MRPL1: variants seen among roughly 807,000 people sequenced by gnomAD.
MRPL1 encodes mitochondrial ribosomal protein L1.
In MRPL1, 28 loss-of-function variants were observed where a neutral mutation model predicts 38.0. The observed-to-expected ratio is 0.74, with a 90% CI of 0.55 to 1.01. MRPL1 has a LOEUF of 1.01. Among genes scored for constraint, MRPL1 ranks in the 50% least tolerant of loss-of-function variants. The probability of loss-of-function intolerance (pLI) is 0.00; values close to 1 mark genes in which losing one functional copy is unlikely to be tolerated. For missense variants in MRPL1, 358 were observed against 389.8 expected, an observed-to-expected ratio of 0.92 and a Z score of 0.69; for synonymous variants, 123 against 126.7, an observed-to-expected ratio of 0.97 and a Z score of 0.20.
intron 7 of MRPL1, among the ~76,000 whole-genome samples, chr4:77,912,732 C>A (rs1218106686): frequency 6.6e-6 from 1 of 152,006 alleles, no homozygotes; most frequent in Non-Finnish European, 1.5e-5. Context: ...TGCAAAGTAT[C>A]TAGAATAGCT....
intron 6 of MRPL1, among the ~76,000 whole-genome samples, chr4:77,908,753 T>C (rs1235343168): frequency 2.0e-5 from 3 of 152,226 alleles, no homozygotes; most frequent in African/African-American, 7.2e-5. Flanking sequence ...GGTTCTCTGC[T>C]TAAGGGTCTC....
At chr4:77,886,789 CTTTTTT>C (rs71214375) in intron 4 of MRPL1, among the ~76,000 whole-genome samples, 14 of 90,516 alleles carry the variant, frequency 1.5e-4, no homozygotes, top group Non-Finnish European at 2.0e-4. Context: ...TTTGCATTTT[CTTTTTT>C]TTTTTTTTTT....
chr4:77,872,465 C>T (rs891048514), intron 2 of MRPL1, among the ~76,000 whole-genome samples: 1 of 152,058 alleles, frequency 6.6e-6, no homozygotes, highest in African/African-American at 2.4e-5. Context: ...GGTATGGTGG[C>T]TTACATCTAT....
At chr4:77,909,443 T>TGGC in intron 7 of MRPL1, 71 bp downstream of exon 7, 1 of 946,524 alleles carries the variant, frequency 1.1e-6, no homozygotes, top group African/African-American at 1.7e-5. Flanking sequence ...TAATTTATAA[T>TGGC]ATTATAAAAT....
chr4:77,907,527 C>CCT (rs374380235), intron 6 of MRPL1, among the ~76,000 whole-genome samples: 5,861 of 136,678 alleles, frequency 0.043, 155 homozygotes, highest in African/African-American at 0.07. Flanking sequence ...TTCCTCCTTC[C>CCT]CTCTCTCTCT....
chr4:77,921,322 A>G (rs1375522272), intron 7 of MRPL1, among the ~76,000 whole-genome samples: 2 of 152,160 alleles, frequency 1.3e-5, no homozygotes, highest in Admixed American at 1.3e-4. Context: ...TATAGATAAT[A>G]TACAAATAAA....
intron 7 of MRPL1, among the ~76,000 whole-genome samples, chr4:77,937,361 A>G (rs4577601): frequency 0.76 from 115,352 of 152,044 alleles, 44,602 homozygotes; most frequent in African/African-American, 0.91. Context: ...AGTGGGGAGC[A>G]CTTATTGCGA....
At chr4:77,871,670 T>G in intron 1 of MRPL1, 74 bp from the exon 2 acceptor site, 1 of 685,318 alleles carries the variant, frequency 1.5e-6, no homozygotes, top group Non-Finnish European at 2.4e-6. Flanking sequence ...TTGAAAGTAC[T>G]GACTTTTAAA....
Position 77,883,458 on chromosome 4 carries a change from T to C in MRPL1, c.360T>C (p.Ser120=), listed in dbSNP as rs374052194. The C allele has an allele frequency of 6.2e-7, 1 of 1,613,822 alleles. No homozygotes were observed. The highest frequency in any genetic ancestry group is 2.2e-5 in the East Asian group (1 of 44,834). The part of the protein sequence containing the change: ...QILDFTSPKQ[S]VYLDLTLDMA... ...TTGACTTTACTAGTCCAAAGCAAAGTGTTTATCTTGATTTGACACTGGATA... is the reference window on the plus strand; with the variant it reads ...TTGACTTTACTAGTCCAAAGCAAAGCGTTTATCTTGATTTGACACTGGATA... The change falls in exon 3 of 9, where the codon AGT becomes AGC. Residue 120 remains serine (S), a synonymous_variant. Coordinates refer to ENST00000315567, the MANE Select transcript of MRPL1 (RefSeq NM_020236.4).
chr4:77,899,216 A>C (rs1735983530), intron 6 of MRPL1, among the ~76,000 whole-genome samples: 1 of 144,074 alleles, frequency 6.9e-6, no homozygotes, highest in Non-Finnish European at 1.5e-5. Context: ...CATGTTGGCC[A>C]GGCTGGTCTT....
At chr4:77,863,898 T>C (rs1014935780) in intron 1 of MRPL1, among the ~76,000 whole-genome samples, 31 of 152,106 alleles carry the variant, frequency 2.0e-4, no homozygotes, top group African/African-American at 7.0e-4. Context: ...ACTGAACTTA[T>C]TAGATATGTG....
At chr4:77,863,463 T>G (rs1735052543) in intron 1 of MRPL1, among the ~76,000 whole-genome samples, 1 of 136,854 alleles carries the variant, frequency 7.3e-6, no homozygotes, top group Admixed American at 7.1e-5. Context: ...GTGCAACAAT[T>G]TTTTTTTTTT....
chr4:77,909,857 G>T (rs1218359711), intron 7 of MRPL1, among the ~76,000 whole-genome samples: 1 of 152,086 alleles, frequency 6.6e-6, no homozygotes, highest in African/African-American at 2.4e-5. Flanking sequence ...CTGGAAATCA[G>T]TTTCCAAAGC....
At chr4:77,886,518 G>C (rs1314478334) in intron 4 of MRPL1, among the ~76,000 whole-genome samples, 1 of 152,034 alleles carries the variant, frequency 6.6e-6, no homozygotes, top group Non-Finnish European at 1.5e-5. Flanking sequence ...ATTTTTAGTA[G>C]AGACGGGGTT....
chr4:77,864,893 T>C (rs1021191726), intron 1 of MRPL1: 1 of 150,566 alleles, frequency 6.6e-6, no homozygotes, highest in Non-Finnish European at 1.5e-5. Flanking sequence ...TGTATATCTT[T>C]TTTTTTTTTT....
intron 7 of MRPL1, among the ~76,000 whole-genome samples, chr4:77,944,661 A>AC (rs1452207750): frequency 6.6e-6 from 1 of 152,192 alleles, no homozygotes; most frequent in South Asian, 2.1e-4. Context: ...GTATGGTATT[A>AC]ACATCTAAAA....
chr4:77,902,637 T>TA (rs992951053), intron 6 of MRPL1, among the ~76,000 whole-genome samples: 6 of 151,454 alleles, frequency 4.0e-5, no homozygotes, highest in African/African-American at 9.7e-5. Flanking sequence ...ATTTTTTTTT[T>TA]AAAAAGGGAA....
intron 6 of MRPL1, among the ~76,000 whole-genome samples, chr4:77,900,806 T>A (rs1736014742): frequency 6.6e-6 from 1 of 152,128 alleles, no homozygotes; most frequent in African/African-American, 2.4e-5. Flanking sequence ...GAGAACTGTA[T>A]AAGTGGTAGG....
At chr4:77,950,632 C>A (rs1578067873) in intron 8 of MRPL1, among the ~76,000 whole-genome samples, 1 of 152,202 alleles carries the variant, frequency 6.6e-6, no homozygotes, top group South Asian at 2.1e-4. Context: ...GTTAACCATA[C>A]TGGTGAATAA....
Sources: gnomAD v4.1 joint callset for allele counts (sites outside exome capture counted in the v4.1 genomes callset) on GRCh38, gnomAD v4.1.1 for gene constraint, MANE v1.5 for transcripts, NCBI Gene and HGNC (gene_info 2026-07-23, HGNC 2026-07-21) for gene names.